Variants in LRRIQ1 observed in about 807,000 individuals in gnomAD.
The protein encoded by LRRIQ1 is leucine rich repeats and IQ motif containing 1, also known as leucine-rich repeat- and IQ domain-containing protein 1.
In LRRIQ1, 210 loss-of-function variants were observed where a neutral mutation model predicts 211.9. The ratio of observed to expected loss-of-function variants is 0.99; its 90% confidence interval spans 0.89 to 1.11. LRRIQ1 has a LOEUF of 1.11. Among genes scored for constraint, LRRIQ1 ranks in the 50% most tolerant of loss-of-function variants. The pLI, the probability that LRRIQ1 is intolerant of heterozygous loss-of-function variation, is 0.00. For synonymous variants in LRRIQ1, 699 were observed against 650.1 expected, an observed-to-expected ratio of 1.08 and a Z score of -1.14; for missense variants, 2,136 against 1,939.5, an observed-to-expected ratio of 1.10 and a Z score of -1.90.
chr12:85,050,924 C>A (rs944595001), intron 6 of LRRIQ1, among the ~76,000 whole-genome samples: 1 of 152,150 alleles, frequency 6.6e-6, no homozygotes, highest in African/African-American at 2.4e-5. Flanking sequence ...ACTCTTGCTA[C>A]CTATCTACAG....
intron 11 of LRRIQ1, among the ~76,000 whole-genome samples, chr12:85,084,668 G>A (rs1324933278): frequency 2.6e-5 from 4 of 152,284 alleles, no homozygotes; most frequent in South Asian, 2.1e-4. Flanking sequence ...GCTCATGCCT[G>A]TAATCCCAGC....
At chr12:85,201,587 A>G (rs1893297691) in intron 24 of LRRIQ1, among the ~76,000 whole-genome samples, 1 of 152,108 alleles carries the variant, frequency 6.6e-6, no homozygotes, top group African/African-American at 2.4e-5. Context: ...AGGTGTTCAT[A>G]GTAGTCTCTG....
intron 11 of LRRIQ1, among the ~76,000 whole-genome samples, chr12:85,088,445 A>G (rs1350086266): frequency 6.6e-6 from 1 of 152,094 alleles, no homozygotes; most frequent in Non-Finnish European, 1.5e-5. Context: ...TTTTGGTTCC[A>G]TATGAACTTT....
chr12:85,169,308 C>A (rs1437024844), intron 24 of LRRIQ1, among the ~76,000 whole-genome samples: 1 of 151,920 alleles, frequency 6.6e-6, no homozygotes, highest in Non-Finnish European at 1.5e-5. Context: ...GAGAAAGAGT[C>A]AGTAACAAAA....
intron 18 of LRRIQ1, among the ~76,000 whole-genome samples, chr12:85,133,674 T>A (rs1351061691): frequency 1.3e-5 from 2 of 152,036 alleles, no homozygotes; most frequent in Non-Finnish European, 2.9e-5. Flanking sequence ...GCCAGACATG[T>A]TGGATGGGTA....
rs552192456 is a variant in LRRIQ1 at position 85,153,784 on chromosome 12, A to C, written c.4637+26A>C. On this transcript the variant is annotated intron_variant, in intron 22 of 26. Transcript: ENST00000393217. ...GTATGTAGTCAATTTGACACTAATAAATTAAAAAATTGAGAGATTGCTAAA... is the reference window on the plus strand; with the variant it reads ...GTATGTAGTCAATTTGACACTAATACATTAAAAAATTGAGAGATTGCTAAA... 60 of 1,369,654 alleles carry C rather than the reference A, an allele frequency of 4.4e-5. No homozygotes were observed. In the East Asian group the frequency reaches 1.5e-3, roughly 33 times the overall value. 84.8% of individuals were successfully genotyped at this position (1,369,654 alleles called of 1,614,324 possible).
chr12:85,230,506 CTTA>C (rs1429321166), intron 25 of LRRIQ1, among the ~76,000 whole-genome samples: 1 of 152,098 alleles, frequency 6.6e-6, no homozygotes, highest in African/African-American at 2.4e-5. Context: ...TCTTATCTAC[CTTA>C]TTACCTCTTT....
At chr12:85,061,260 C>G (rs1881765934) in intron 8 of LRRIQ1, among the ~76,000 whole-genome samples, 1 of 151,726 alleles carries the variant, frequency 6.6e-6, no homozygotes, top group Non-Finnish European at 1.5e-5. Flanking sequence ...AATTTCGAAG[C>G]ATAAAGTGGT....
intron 24 of LRRIQ1, among the ~76,000 whole-genome samples, chr12:85,192,488 T>C (rs944968190): frequency 5.5e-5 from 7 of 126,452 alleles, no homozygotes; most frequent in Non-Finnish European, 1.1e-4. Flanking sequence ...TATATAGTTA[T>C]ATAATATAAT....
chr12:85,107,765 T>C (rs965329031), intron 15 of LRRIQ1, among the ~76,000 whole-genome samples: 9 of 152,150 alleles, frequency 5.9e-5, no homozygotes, highest in Non-Finnish European at 1.5e-5. Flanking sequence ...TAGTTTCTAT[T>C]GCTTTGTCTT....
At chr12:85,255,401 T>G (rs1364530684) in intron 1 of LRRIQ1, among the ~76,000 whole-genome samples, 1 of 151,816 alleles carries the variant, frequency 6.6e-6, no homozygotes, top group Non-Finnish European at 1.5e-5. Context: ...ATATTTCCTA[T>G]TAAAATATTA....
intron 25 of LRRIQ1, among the ~76,000 whole-genome samples, chr12:85,231,797 G>C (rs998477551): frequency 6.6e-6 from 1 of 152,126 alleles, no homozygotes; most frequent in Non-Finnish European, 1.5e-5. Flanking sequence ...GCAATCATGA[G>C]AGGTAACCAC....
chr12:85,088,845 G>C (rs1885096798), intron 11 of LRRIQ1, among the ~76,000 whole-genome samples: 1 of 152,184 alleles, frequency 6.6e-6, no homozygotes, highest in Non-Finnish European at 1.5e-5. Flanking sequence ...TTTGGGCTGA[G>C]ACAGTGGGGT....
chr12:85,154,319 A>G (rs1387972556), intron 23 of LRRIQ1, among the ~76,000 whole-genome samples: 1 of 151,246 alleles, frequency 6.6e-6, no homozygotes, highest in Non-Finnish European at 1.5e-5. Context: ...TCTTTCTTAT[A>G]TACTTTGCTA....
intron 10 of LRRIQ1, among the ~76,000 whole-genome samples, chr12:85,072,232 G>T (rs1449803895): frequency 7.2e-6 from 1 of 138,422 alleles, no homozygotes; most frequent in East Asian, 1.9e-4. Flanking sequence ...ATATAGAAAG[G>T]TCATTTTTTT....
chr12:85,255,901 G>A (rs1593031086), intron 1 of LRRIQ1, among the ~76,000 whole-genome samples: 2 of 151,644 alleles, frequency 1.3e-5, no homozygotes, highest in South Asian at 4.1e-4. Flanking sequence ...TACACCAAGA[G>A]CATATTTACA....
chr12:85,098,384 C>T lies in LRRIQ1; in HGVS notation c.2917C>T (p.Gln973Ter). Residue 973 changes from glutamine to a stop codon, truncating the protein, a stop_gained, in exon 12 of 27, where the codon CAA becomes TAA. Coordinates refer to ENST00000393217, the MANE Select transcript of LRRIQ1 (RefSeq NM_001079910.2). LOFTEE classifies it high-confidence loss of function. Reference protein sequence around the residue: ...CGLESLKNLQQLILDHNQLIN... With the variant: ...CGLESLKNLQ ...TTTAGAATCTTTGAAAAATCTTCAACAACTAATTTTGGACCACAATCAGTT... is the reference window on the plus strand; with the variant it reads ...TTTAGAATCTTTGAAAAATCTTCAATAACTAATTTTGGACCACAATCAGTT... 1 of 1,608,366 alleles carries T rather than the reference C, an allele frequency of 6.2e-7. No individual in the cohort carries two copies. The highest frequency in any genetic ancestry group is 8.5e-7 in the Non-Finnish European group (1 of 1,177,190).
At chr12:85,193,060 ATAT>A (rs1272882157) in intron 24 of LRRIQ1, among the ~76,000 whole-genome samples, 48 of 100,716 alleles carry the variant, frequency 4.8e-4, no homozygotes, top group African/African-American at 1.2e-3. Context: ...TATAATATAA[ATAT>A]TATATTATAT....
chr12:85,211,339 C>G (rs537012506), intron 24 of LRRIQ1, among the ~76,000 whole-genome samples: 3 of 152,126 alleles, frequency 2.0e-5, no homozygotes, highest in Admixed American at 1.3e-4. Flanking sequence ...GTGAAATGCT[C>G]TTTGTAACCA....
Sources: gnomAD v4.1 joint callset for allele counts (sites outside exome capture counted in the v4.1 genomes callset) on GRCh38, gnomAD v4.1.1 for gene constraint, MANE v1.5 for transcripts, NCBI Gene and HGNC (gene_info 2026-07-23, HGNC 2026-07-21) for gene names.